ITK: variants seen among roughly 807,000 people sequenced by gnomAD.
ITK encodes the protein tyrosine-protein kinase ITK/TSK.
A neutral mutation model predicts 87.6 loss-of-function variants in ITK; 45 were observed. The observed-to-expected ratio is 0.51, with a 90% CI of 0.40 to 0.66. The LOEUF is 0.66. Ranked by LOEUF, ITK falls within the 30% of genes least tolerant of loss-of-function variation. The probability of loss-of-function intolerance (pLI) is 0.00; values close to 1 mark genes in which losing one functional copy is unlikely to be tolerated. For missense variants in ITK, 605 were observed against 766.3 expected (o/e 0.79, Z 2.48); for synonymous variants, 303 against 273.6 (o/e 1.11, Z -1.06).
intron 1 of ITK, chr5:157,195,878 C>G (rs1753846906): frequency 6.6e-6 from 1 of 152,126 alleles, no homozygotes; most frequent in Non-Finnish European, 1.5e-5. Flanking sequence ...TGGTCTGTTT[C>G]CAGTTTTTGT....
At position 157,244,466 on chromosome 5, in the gene ITK, C is replaced by A. The variant is rs756176085; in HGVS notation, c.1437C>A (p.Ile479=). The A allele has an allele frequency of 5.5e-5, 89 of 1,603,750 alleles. No homozygotes were observed. The East Asian group carries it at 8.3e-4, about 15-fold the overall frequency. The stretch of plus-strand genomic sequence containing the variant: ...CCTACCTGGAAGAGGCATGTGTCAT[C>A]CACAGAGACTTGGTATGAGCATGCA... ...GMAYLEEACV[I]HRDLAARNCL... The change falls in exon 13 of 17, where the codon ATC becomes ATA. Residue 479 remains isoleucine, a synonymous_variant. Transcript: ENST00000422843.
At chr5:157,186,703 A>T in intron 1 of ITK, among the ~76,000 whole-genome samples, 1 of 151,044 alleles carries the variant, frequency 6.6e-6, no homozygotes, top group East Asian at 1.9e-4. Context: ...AGAGAGAGAG[A>T]GAGAGAGCCT....
chr5:157,236,418 C>A (rs1011146705), intron 8 of ITK, among the ~76,000 whole-genome samples: 1 of 151,504 alleles, frequency 6.6e-6, no homozygotes, highest in Non-Finnish European at 1.5e-5. Context: ...TTCTGGAATT[C>A]AAACAAATAG....
intron 1 of ITK, among the ~76,000 whole-genome samples, chr5:157,189,884 A>G (rs1054307669): frequency 6.6e-6 from 1 of 152,170 alleles, no homozygotes; most frequent in African/African-American, 2.4e-5. Context: ...CCTCCCATTC[A>G]TCAGTGAATT....
At position 157,254,104 on chromosome 5, in the gene ITK, G is replaced by A. The variant is rs914998549; in HGVS notation, c.*1426G>A. 5.7e-5 allele frequency: 13 copies of A among 227,478 alleles called. No individual in the cohort carries two copies. Among genetic ancestry groups the A allele is most frequent in the Admixed American group, 1.7e-4 (3 of 17,600 alleles). 14.1% of individuals were successfully genotyped at this position (227,478 alleles called of 1,614,324 possible). On this transcript the variant is annotated 3_prime_UTR_variant, in exon 17 of 17. Transcript: ENST00000422843. ...ATACACAGATTCTTTATTCCTATTC[G>A]ACACTGGCTTCTACTGAAAATGAAA...
intron 9 of ITK, 101 bp downstream of exon 9, chr5:157,238,292 G>A: frequency 2.3e-6 from 2 of 883,540 alleles, no homozygotes; most frequent in Non-Finnish European, 3.8e-6. Flanking sequence ...AGAGGTAGAG[G>A]CTCACTAGAA....
intron 16 of ITK, among the ~76,000 whole-genome samples, chr5:157,249,467 G>A (rs568754616): frequency 9.2e-5 from 14 of 152,308 alleles, no homozygotes; most frequent in East Asian, 1.9e-4. Flanking sequence ...CTCTGTACCC[G>A]CCCAGGTGGC....
chr5:157,235,440 A>G (rs1300305443), intron 8 of ITK, among the ~76,000 whole-genome samples: 1 of 152,126 alleles, frequency 6.6e-6, no homozygotes. Context: ...GTCAAATGTT[A>G]TTATCAGTAT....
chr5:157,238,209 C>A lies in ITK; in HGVS notation c.851+18C>A. The stretch of plus-strand genomic sequence containing the variant: ...GTTGTAAGGTATGGAGCTAACTCTG[C>A]TCAGCAAAGTGGAGAGAAACACTTC... On this transcript the variant is annotated intron_variant, in intron 9 of 16. Transcript: ENST00000422843. The A allele has an allele frequency of 6.3e-7, 1 of 1,585,046 alleles. No homozygotes were observed. Among genetic ancestry groups the A allele is most frequent in the Non-Finnish European group, 8.7e-7 (1 of 1,153,580 alleles).
chr5:157,248,901 G>A lies in ITK; in HGVS notation c.1685G>A (p.Arg562Gln), dbSNP rs142618425. ...GAAGGCAAAATCCCGTATGAAAACCGAAGCAACTCAGAGGTGGTGGAAGAC... is the reference window on the plus strand; with the variant it reads ...GAAGGCAAAATCCCGTATGAAAACCAAAGCAACTCAGAGGTGGTGGAAGAC... ...FSEGKIPYENRSNSEVVEDIS... is the reference protein window; with the variant it reads ...FSEGKIPYENQSNSEVVEDIS... The change falls in exon 16 of 17, where the codon CGA becomes CAA. Residue 562 changes from arginine (R) to glutamine (Q), a missense_variant. Arg to Gln is a conservative substitution (Grantham distance 43, BLOSUM62 1). Transcript: ENST00000422843. 214 of 1,613,984 alleles carry A rather than the reference G, an allele frequency of 1.3e-4. No homozygotes were observed. Among genetic ancestry groups the A allele is most frequent in the Non-Finnish European group, 1.6e-4 (192 of 1,179,866 alleles).
At chr5:157,235,747 T>C (rs1321986727) in intron 8 of ITK, among the ~76,000 whole-genome samples, 2 of 152,230 alleles carry the variant, frequency 1.3e-5, no homozygotes, top group Non-Finnish European at 1.5e-5. Context: ...AACAAGACTA[T>C]GAATTATCAG....
rs1561662471 is a variant in ITK at position 157,238,110 on chromosome 5, G to T, written c.770G>T (p.Gly257Val). The T allele has an allele frequency of 6.2e-7, 1 of 1,611,382 alleles. No homozygotes were observed. The highest frequency in any genetic ancestry group is 8.5e-7 in the Non-Finnish European group (1 of 1,177,700). The part of the protein sequence containing the change: ...DKAEKLLLDT[G>V]KEGAFMVRDS... ...TTCCATTCTTTCTAACCATTCCAGG[G>T]CAAAGAAGGAGCCTTCATGGTAAGG... Residue 257 changes from glycine to valine, a missense_variant and splice_region_variant, in exon 9 of 17, where the codon GGC (glycine) becomes GTC (valine). Gly to Val is a moderately radical substitution (Grantham distance 109). Coordinates refer to ENST00000422843, the MANE Select transcript of ITK (RefSeq NM_005546.4).
intron 1 of ITK, among the ~76,000 whole-genome samples, chr5:157,206,859 A>G (rs966571241): frequency 6.6e-6 from 1 of 152,082 alleles, no homozygotes; most frequent in Non-Finnish European, 1.5e-5. Flanking sequence ...GATCTTTTGA[A>G]TAATTTTTTG....
At chr5:157,243,140 A>G (rs1347545050) in intron 11 of ITK, among the ~76,000 whole-genome samples, 2 of 152,182 alleles carry the variant, frequency 1.3e-5, no homozygotes, top group African/African-American at 2.4e-5. Context: ...ATTTCTTGAG[A>G]GCCTCCCATG....
intron 13 of ITK, chr5:157,245,373 T>G (rs1580909372): frequency 2.5e-6 from 1 of 403,188 alleles, no homozygotes; most frequent in East Asian, 5.7e-5. Context: ...AAAACATTCT[T>G]AATTTAGTCA....
intron 1 of ITK, among the ~76,000 whole-genome samples, chr5:157,181,616 G>T (rs1255721459): frequency 1.3e-5 from 2 of 152,184 alleles, no homozygotes; most frequent in African/African-American, 4.8e-5. Context: ...GAATAACTCT[G>T]TTTGTCTCAA....
intron 10 of ITK, chr5:157,240,466 G>T (rs893410373): frequency 2.0e-6 from 1 of 501,296 alleles, no homozygotes; most frequent in Admixed American, 3.2e-5. Context: ...CCACAAAGCC[G>T]ATCCCTGGTG....
intron 1 of ITK, among the ~76,000 whole-genome samples, chr5:157,204,768 A>G (rs1184761656): frequency 2.0e-5 from 3 of 152,200 alleles, no homozygotes; most frequent in Non-Finnish European, 2.9e-5. Context: ...GAGCCTCTAC[A>G]GTGTTTTCAT....
chr5:157,243,671 G>C lies in ITK; in HGVS notation c.1109G>C (p.Gly370Ala). The C allele has an allele frequency of 6.2e-7, 1 of 1,613,438 alleles. No individual in the cohort carries two copies. Residue 370 changes from glycine to alanine, a missense_variant, in exon 12 of 17, where the codon GGC becomes GCC. Around this residue, in one of 3 missense-constraint regions of ITK, gnomAD observed 464 missense variants for 578.0 expected, o/e 0.80. Coordinates refer to ENST00000422843, the MANE Select transcript of ITK (RefSeq NM_005546.4). ...PSELTFVQEI[G>A]SGQFGLVHLG... ...GAGCTCACTTTTGTGCAAGAGATTG[G>C]CAGTGGGCAATTTGGGTTGGTGCAT...
Sources: gnomAD v4.1 joint callset for allele counts (sites outside exome capture counted in the v4.1 genomes callset) on GRCh38, gnomAD v4.1.1 for gene constraint, gnomAD v4.1.1 regional missense constraint, MANE v1.5 for transcripts, NCBI Gene and HGNC (gene_info 2026-07-23, HGNC 2026-07-21) for gene names.